The following JAKMIP1 variants were observed in gnomAD, a reference collection of about 807,000 sequenced individuals.
JAKMIP1 encodes the protein janus kinase and microtubule-interacting protein 1.
A neutral mutation model predicts 113.0 loss-of-function variants in JAKMIP1; 33 were observed. The observed-to-expected ratio is 0.29, with a 90% CI of 0.22 to 0.39. The LOEUF is 0.39. JAKMIP1 is among the 10% of genes least tolerant of loss of function. The pLI is 1.00. For synonymous variants in JAKMIP1, 480 were observed against 459.9 expected, an observed-to-expected ratio of 1.04 and a Z score of -0.56; for missense variants, 813 against 1,080.5, an observed-to-expected ratio of 0.75 and a Z score of 3.47.
chr4:6,081,853 C>A lies in JAKMIP1; in HGVS notation c.955-98G>T, dbSNP rs1210401278. 1.5e-6 allele frequency: 2 copies of A among 1,360,656 alleles called. No individual in the cohort carries two copies. Among genetic ancestry groups the A allele is most frequent in the African/African-American group, 2.9e-5 (2 of 69,478 alleles). The allele number at this position is 1,360,656 out of a possible 1,614,324, so 84.3% of individuals were successfully genotyped here. The stretch of plus-strand genomic sequence containing the variant: ...GCAGAGACTCAACCCAGTTAGGACC[C>A]CTTCTGAGGCCAGTGTCCTGGATGA... On this transcript the variant is annotated intron_variant, in intron 5 of 20. Coordinates refer to ENST00000409021, the MANE Select transcript of JAKMIP1 (RefSeq NM_001099433.2). The surrounding 1 kb of genome is among the most constrained non-coding windows in gnomAD (Gnocchi z 4.6).
rs1042611507 is a variant in JAKMIP1, at chr4:6,088,641, C to T, written c.625-3012G>A. On this transcript the variant is annotated intron_variant, in intron 3 of 20. Transcript: ENST00000409021. The surrounding 1 kb of genome is among the most constrained non-coding windows in gnomAD (Gnocchi z 5.5). ...GCCAATGCAGAACACATTCCGGAGCCAGCATGAGAGTCCTGAGGCCCCAGA... is the reference window on the plus strand; with the variant it reads ...GCCAATGCAGAACACATTCCGGAGCTAGCATGAGAGTCCTGAGGCCCCAGA... Among the ~76,000 whole-genome samples the T allele has an allele frequency of 7.9e-5, 12 of 152,186 alleles. No homozygotes were observed. The highest frequency in any genetic ancestry group is 1.9e-4 in the African/African-American group (8 of 41,454).
chr4:6,122,286 A>G (rs1484138496), intron 1 of JAKMIP1, among the ~76,000 whole-genome samples: 1 of 152,184 alleles, frequency 6.6e-6, no homozygotes, highest in Non-Finnish European at 1.5e-5. Flanking sequence ...AGATCGAACC[A>G]CTGCACTCCA....
chr4:6,136,195 G>A lies in JAKMIP1; in HGVS notation c.-147-23198C>T, dbSNP rs183984946. Among the ~76,000 whole-genome samples, 381 of 151,340 alleles carry A rather than the reference G, an allele frequency of 2.5e-3. 2 individuals are homozygous for A. The highest frequency in any genetic ancestry group is 9.0e-3 in the African/African-American group (369 of 41,198). On this transcript the variant is annotated intron_variant, in intron 1 of 20. Transcript: ENST00000409021. This position sits in a 1 kb window ranked among gnomAD's most constrained non-coding sequence, Gnocchi z 5.9. Reference sequence around the variant, plus strand: ...CAGGAAATGGAGGTTGCAGTGAGCCGAGATCACACCACTGCACTCCAGCCT... The same window carrying A: ...CAGGAAATGGAGGTTGCAGTGAGCCAAGATCACACCACTGCACTCCAGCCT...
In JAKMIP1 at chr4:6,140,583, CGTAAGGACCTCT is replaced by C. The variant is rs1314761688; in HGVS notation, c.-147-27598_-147-27587del. 6.6e-6 allele frequency among the ~76,000 whole-genome samples: 1 copy of C among 152,078 alleles called. No individual in the cohort carries two copies. The highest frequency in any genetic ancestry group is 6.5e-5 in the Admixed American group (1 of 15,274). ...CCCGCTAGGTGACAGTGGTTCACAG[CGTAAGGACCTCT>C]GTCCCCACTGCTCCTGGAGGGGTGG... On this transcript the variant is annotated intron_variant, in intron 1 of 20. Transcript: ENST00000409021. The surrounding 1 kb of genome is among the most constrained non-coding windows in gnomAD (Gnocchi z 9.4).
intron 3 of JAKMIP1, among the ~76,000 whole-genome samples, chr4:6,104,997 C>T (rs533578467): frequency 6.6e-6 from 1 of 152,372 alleles, no homozygotes; most frequent in Admixed American, 6.5e-5. Flanking sequence ...CCAGGCAGGG[C>T]TCTTTCCCCT....
At chr4:6,057,636 G>T (rs1006831087) in intron 11 of JAKMIP1, among the ~76,000 whole-genome samples, 3 of 152,206 alleles carry the variant, frequency 2.0e-5, no homozygotes, top group African/African-American at 7.2e-5. Context: ...CCCACCTTTT[G>T]TCTGTGGCAT....
In JAKMIP1 at chr4:6,130,224, G is replaced by A. The variant is rs557920374; in HGVS notation, c.-147-17227C>T. On this transcript the variant is annotated intron_variant, in intron 1 of 20. Transcript: ENST00000409021. ...AGGGGAAGAAGGAGGGAGCGGGGAC[G>A]CAATGAGAATTGAATCAAACTTTTA... is the stretch of plus-strand genomic sequence containing the variant. Among the ~76,000 whole-genome samples the A allele has an allele frequency of 4.6e-5, 7 of 152,372 alleles. No homozygotes were observed. The East Asian group carries it at 9.6e-4, about 21-fold the overall frequency.
chr4:6,118,833 C>T (rs1300116087), intron 1 of JAKMIP1, among the ~76,000 whole-genome samples: 2 of 152,192 alleles, frequency 1.3e-5, no homozygotes. Context: ...ACGATCACAT[C>T]CTGCTCCCCA....
chr4:6,117,352 G>A (rs1030095733), intron 1 of JAKMIP1, among the ~76,000 whole-genome samples: 4 of 152,160 alleles, frequency 2.6e-5, no homozygotes, highest in African/African-American at 4.8e-5. Context: ...GGTAGGATCC[G>A]TGATGCCCCA....
Position 6,135,360 on chromosome 4 carries a change from G to C in JAKMIP1, c.-147-22363C>G, listed in dbSNP as rs73075416. Among the ~76,000 whole-genome samples, 203 of 152,262 alleles carry C rather than the reference G, an allele frequency of 1.3e-3. No homozygotes were observed. Among genetic ancestry groups the C allele is most frequent in the Middle Eastern group, 3.4e-3 (1 of 294 alleles). On this transcript the variant is annotated intron_variant, in intron 1 of 20. Transcript: ENST00000409021. This position sits in a 1 kb window ranked among gnomAD's most constrained non-coding sequence, Gnocchi z 4.9. Reference sequence around the variant, plus strand: ...GTGAGGACATGGGGAGAAGACGGCCGTCTACAAGCCAAGGAGAGAGGCTTC... The same window carrying C: ...GTGAGGACATGGGGAGAAGACGGCCCTCTACAAGCCAAGGAGAGAGGCTTC...
At chr4:6,045,864 T>A (rs566182730) in intron 16 of JAKMIP1, among the ~76,000 whole-genome samples, 1 of 152,134 alleles carries the variant, frequency 6.6e-6, no homozygotes, top group South Asian at 2.1e-4. Flanking sequence ...AGTGAGACTC[T>A]GTCTCAAAAA....
In JAKMIP1 at chr4:6,197,229, CCTCAACA is replaced by C. The variant is rs1727954260; in HGVS notation, c.-148+3017_-148+3023del. Among the ~76,000 whole-genome samples the C allele has an allele frequency of 6.6e-6, 1 of 152,136 alleles. No individual in the cohort carries two copies. Among genetic ancestry groups the C allele is most frequent in the Admixed American group, 6.5e-5 (1 of 15,280 alleles). On this transcript the variant is annotated intron_variant, in intron 1 of 20. Coordinates refer to ENST00000409021, the MANE Select transcript of JAKMIP1 (RefSeq NM_001099433.2). The surrounding 1 kb of genome is among the most constrained non-coding windows in gnomAD (Gnocchi z 6.5). ...CACTGTCAGTAGGGTGGGAGCTGGT[CCTCAACA>C]CAGTTCCACTGACCTAGCCTGGTCC...
intron 8 of JAKMIP1, among the ~76,000 whole-genome samples, chr4:6,072,550 T>TA (rs1719114778): frequency 6.6e-6 from 1 of 152,108 alleles, no homozygotes. Flanking sequence ...GGCCCACAGT[T>TA]ACACACCAAC....
rs574374981 is a variant in JAKMIP1, at chr4:6,068,537, G to A, written c.1303-3529C>T. 3.4e-5 allele frequency among the ~76,000 whole-genome samples: 5 copies of A among 147,022 alleles called. No individual in the cohort carries two copies. In the Admixed American group the frequency reaches 3.6e-4, roughly 11 times the overall value. On this transcript the variant is annotated intron_variant, in intron 8 of 20. Transcript: ENST00000409021. Reference sequence around the variant, plus strand: ...CCAACCCCTCAGGTTTTTATGCTGGGTATTTTTAAAAATTTTTTAACTTTT... The same window carrying A: ...CCAACCCCTCAGGTTTTTATGCTGGATATTTTTAAAAATTTTTTAACTTTT...
chr4:6,111,485 A>C lies in JAKMIP1; in HGVS notation c.129+1237T>G, dbSNP rs140856634. 6.3e-3 allele frequency among the ~76,000 whole-genome samples: 965 copies of C among 152,320 alleles called. 11 individuals are homozygous for C. The highest frequency in any genetic ancestry group is 0.022 in the African/African-American group (922 of 41,580). On this transcript the variant is annotated intron_variant, in intron 2 of 20. Coordinates refer to ENST00000409021, the MANE Select transcript of JAKMIP1 (RefSeq NM_001099433.2). ...GACTGCAGCTGTGCCTGGGCACCAG[A>C]TGTTGATGGGGCTTTTTATTGCATC...
At chr4:6,033,757 A>C (rs73071580) in intron 19 of JAKMIP1, among the ~76,000 whole-genome samples, 2 of 152,214 alleles carry the variant, frequency 1.3e-5, no homozygotes, top group South Asian at 4.1e-4. Flanking sequence ...GGGGAAAAAA[A>C]TCACTGTAAT....
chr4:6,182,827 C>G (rs998971397), intron 1 of JAKMIP1, among the ~76,000 whole-genome samples: 1 of 152,228 alleles, frequency 6.6e-6, no homozygotes, highest in African/African-American at 2.4e-5. Flanking sequence ...TTTCTAGATA[C>G]AACTGCTCCT....
At chr4:6,066,501 T>A (rs571226672) in intron 8 of JAKMIP1, among the ~76,000 whole-genome samples, 4 of 152,236 alleles carry the variant, frequency 2.6e-5, no homozygotes, top group African/African-American at 9.6e-5. Context: ...TCCAGACTCA[T>A]ACGTCAGCTG....
rs369652040 is a variant in JAKMIP1, at chr4:6,139,852, C to T, written c.-147-26855G>A. 9.9e-5 allele frequency among the ~76,000 whole-genome samples: 15 copies of T among 152,076 alleles called. No homozygotes were observed. Among genetic ancestry groups the T allele is most frequent in the Admixed American group, 2.0e-4 (3 of 15,286 alleles). On this transcript the variant is annotated intron_variant, in intron 1 of 20. Coordinates refer to ENST00000409021, the MANE Select transcript of JAKMIP1 (RefSeq NM_001099433.2). This position sits in a 1 kb window ranked among gnomAD's most constrained non-coding sequence, Gnocchi z 5.2. ...AGAGACAAAGGAGAACACCATGTGA[C>T]GACGAAGGAGGAGGTCACGGGGCAG...
Sources: allele counts gnomAD v4.1 joint callset (sites outside exome capture counted in the v4.1 genomes callset), GRCh38; gene constraint gnomAD v4.1.1; non-coding constraint Gnocchi (gnomAD v3.1); transcripts MANE v1.5; gene names NCBI Gene and HGNC (gene_info 2026-07-23, HGNC 2026-07-21).